The following STIM1 variants were observed in gnomAD, a reference collection of about 807,000 sequenced individuals.
STIM1 encodes stromal interaction molecule 1.
In STIM1, 25 loss-of-function variants were observed where a neutral mutation model predicts 74.7. The observed-to-expected ratio is 0.33, with a 90% CI of 0.24 to 0.47. STIM1 has a LOEUF of 0.47. Ranked by LOEUF, STIM1 falls within the 20% of genes least tolerant of loss-of-function variation. The pLI is 1.00. For missense variants in STIM1, 728 were observed against 920.8 expected (o/e 0.79, Z 2.71); for synonymous variants, 328 against 348.8 (o/e 0.94, Z 0.66).
At chr11:3,941,257 TC>T (rs921340482) in intron 1 of STIM1, among the ~76,000 whole-genome samples, 1 of 152,204 alleles carries the variant, frequency 6.6e-6, no homozygotes, top group African/African-American at 2.4e-5. Flanking sequence ...TATCTACAGT[TC>T]GAAGACTTCT....
intron 5 of STIM1, among the ~76,000 whole-genome samples, chr11:4,066,364 C>T (rs10835561): frequency 0.26 from 38,923 of 152,136 alleles, 6,145 homozygotes; most frequent in South Asian, 0.46. Flanking sequence ...CCTCTATATG[C>T]ACTTTGTATT....
At chr11:3,986,249 G>A (rs2093557056) in intron 2 of STIM1, among the ~76,000 whole-genome samples, 1 of 152,222 alleles carries the variant, frequency 6.6e-6, no homozygotes, top group African/African-American at 2.4e-5. Flanking sequence ...TAATCCATCT[G>A]AGGATGATAG....
chr11:4,023,910 T>A lies in STIM1; in HGVS notation c.308T>A (p.Val103Glu). 1 of 1,613,906 alleles carries A rather than the reference T, an allele frequency of 6.2e-7. No homozygotes were observed. The highest frequency in any genetic ancestry group is 8.5e-7 in the Non-Finnish European group (1 of 1,179,918). Reference protein sequence around the residue: ...REDLNYHDPTVKHSTFHGEDK... With the variant: ...REDLNYHDPTEKHSTFHGEDK... ...GACCTCAATTACCATGACCCAACAG[T>A]GAAACACAGCACCTTCCATGGTGAG... is the stretch of plus-strand genomic sequence containing the variant. Residue 103 changes from valine (V) to glutamate (E), a missense_variant, in exon 3 of 13, where the codon GTG becomes GAG. This residue lies in a region of STIM1 where 51 missense variants were observed against 101.1 expected (regional missense o/e 0.50). Transcript: ENST00000526596.
chr11:4,059,254 C>T (rs771703553), intron 4 of STIM1, 27 bp from the exon 5 acceptor site: 1 of 1,594,714 alleles, frequency 6.3e-7, no homozygotes, highest in Non-Finnish European at 8.6e-7. Context: ...TGGGAGGGAA[C>T]TGATCTGCTA....
At chr11:3,955,082 T>C (rs1299003532) in intron 1 of STIM1, among the ~76,000 whole-genome samples, 1 of 152,250 alleles carries the variant, frequency 6.6e-6, no homozygotes, top group Admixed American at 6.5e-5. Flanking sequence ...GACAACATGG[T>C]TGAATCTCAA....
chr11:4,002,460 A>C (rs1429798079), intron 2 of STIM1, among the ~76,000 whole-genome samples: 1 of 152,106 alleles, frequency 6.6e-6, no homozygotes, highest in East Asian at 1.9e-4. Flanking sequence ...ATTACATGGA[A>C]ACTGAACAAC....
At chr11:3,984,706 G>A (rs984152569) in intron 2 of STIM1, among the ~76,000 whole-genome samples, 4 of 152,208 alleles carry the variant, frequency 2.6e-5, no homozygotes, top group African/African-American at 9.6e-5. Context: ...GAGCTTTGGA[G>A]TCCAACCTGG....
At chr11:3,872,185 TG>T (rs2091123196) in intron 1 of STIM1, among the ~76,000 whole-genome samples, 1 of 152,096 alleles carries the variant, frequency 6.6e-6, no homozygotes, top group Non-Finnish European at 1.5e-5. Flanking sequence ...CCCAAGTAGC[TG>T]GGACTATAGG....
chr11:3,999,852 G>A (rs2093696383), intron 2 of STIM1, among the ~76,000 whole-genome samples: 1 of 152,128 alleles, frequency 6.6e-6, no homozygotes, highest in Non-Finnish European at 1.5e-5. Flanking sequence ...GTGACAGACG[G>A]CACCTGGAAA....
chr11:3,923,916 A>C (rs1450534310), intron 1 of STIM1, among the ~76,000 whole-genome samples: 2 of 152,160 alleles, frequency 1.3e-5, no homozygotes, highest in Non-Finnish European at 2.9e-5. Flanking sequence ...TTTGCATTAA[A>C]TCTATAGATT....
intron 2 of STIM1, among the ~76,000 whole-genome samples, chr11:4,016,811 C>T (rs1033088481): frequency 4.6e-5 from 7 of 152,214 alleles, no homozygotes; most frequent in East Asian, 3.9e-4. Context: ...TCCAGTGTCC[C>T]GGGTCGATCT....
chr11:3,959,935 T>C (rs2135707843), intron 1 of STIM1, among the ~76,000 whole-genome samples: 1 of 152,320 alleles, frequency 6.6e-6, no homozygotes, highest in Non-Finnish European at 1.5e-5. Flanking sequence ...TAGTAATGAC[T>C]GTATTCCTCA....
intron 1 of STIM1, among the ~76,000 whole-genome samples, chr11:3,873,487 G>C (rs2091203642): frequency 6.8e-6 from 1 of 147,842 alleles, no homozygotes; most frequent in Admixed American, 6.8e-5. Context: ...GGCTGTTCTT[G>C]AACTCTTGGC....
At chr11:4,007,445 T>C (rs956873072) in intron 2 of STIM1, among the ~76,000 whole-genome samples, 4 of 152,232 alleles carry the variant, frequency 2.6e-5, no homozygotes, top group African/African-American at 9.6e-5. Flanking sequence ...TAATGCCTAC[T>C]TCAAGTATAT....
At chr11:3,971,432 G>A (rs545854922) in intron 2 of STIM1, among the ~76,000 whole-genome samples, 231 of 152,298 alleles carry the variant, frequency 1.5e-3, no homozygotes, top group Non-Finnish European at 2.6e-3. Context: ...TGGAGGCTGA[G>A]GCAGGAGAAT....
At chr11:3,980,645 C>T (rs1382138492) in intron 2 of STIM1, among the ~76,000 whole-genome samples, 2 of 146,974 alleles carry the variant, frequency 1.4e-5, no homozygotes, top group Non-Finnish European at 3.0e-5. Context: ...CATTTCAGTG[C>T]AATGCCTGGA....
chr11:4,028,703 C>T (rs1361062273), intron 3 of STIM1, among the ~76,000 whole-genome samples: 29 of 152,164 alleles, frequency 1.9e-4, no homozygotes, highest in Non-Finnish European at 2.9e-5. Context: ...AGCCACCACA[C>T]TTGGCCAGTA....
At chr11:4,041,662 A>G (rs991557306) in intron 3 of STIM1, among the ~76,000 whole-genome samples, 6 of 151,770 alleles carry the variant, frequency 4.0e-5, no homozygotes, top group Non-Finnish European at 5.9e-5. Context: ...GAGTGGTGCA[A>G]TCTTGGCTCA....
intron 4 of STIM1, 132 bp from the exon 5 acceptor site, chr11:4,059,149 T>C (rs780976108): frequency 1.9e-5 from 16 of 858,094 alleles, no homozygotes; most frequent in African/African-American, 3.3e-5. Context: ...TGGTATAGAC[T>C]CTGTGTTCTA....
Sources: allele counts gnomAD v4.1 joint callset (sites outside exome capture counted in the v4.1 genomes callset), GRCh38; gene constraint gnomAD v4.1.1; regional missense constraint gnomAD v4.1.1; transcripts MANE v1.5; gene names NCBI Gene and HGNC (gene_info 2026-07-23, HGNC 2026-07-21).